The following ATRNL1 variants were observed in gnomAD, a reference collection of about 807,000 sequenced individuals.
ATRNL1 encodes the protein attractin-like protein 1.
Under a neutral mutation model 182.7 loss-of-function variants are expected in ATRNL1, and 95 were observed. The ratio of observed to expected loss-of-function variants is 0.52; its 90% CI spans 0.44 to 0.62. The LOEUF (loss-of-function observed/expected upper bound fraction) is 0.62. Among genes scored for constraint, ATRNL1 ranks in the 20% least tolerant of loss-of-function variants. The pLI is 0.00. For missense variants in ATRNL1, 1,471 were observed against 1,679.5 expected (o/e 0.88, Z 2.17); for synonymous variants, 576 against 568.3 (o/e 1.01, Z -0.19).
intron 1 of ATRNL1, among the ~76,000 whole-genome samples, chr10:115,116,243 A>G (rs782525223): frequency 4.6e-5 from 7 of 152,102 alleles, no homozygotes; most frequent in Non-Finnish European, 7.4e-5. Flanking sequence ...ATAAGTCAGT[A>G]TGGTTCTCAG....
intron 26 of ATRNL1, among the ~76,000 whole-genome samples, chr10:115,636,396 C>T (rs879982831): frequency 6.6e-6 from 1 of 152,114 alleles, no homozygotes; most frequent in East Asian, 1.9e-4. Context: ...CAGTATGTAC[C>T]AGTGGGAGCT....
chr10:115,938,014 G>T (rs560315579), intron 28 of ATRNL1, among the ~76,000 whole-genome samples: 1 of 152,230 alleles, frequency 6.6e-6, no homozygotes, highest in Admixed American at 6.5e-5. Context: ...ATATAATGGT[G>T]CCTGCTTTTA....
chr10:115,596,714 T>G (rs1476089079), intron 26 of ATRNL1, among the ~76,000 whole-genome samples: 9 of 152,190 alleles, frequency 5.9e-5, no homozygotes, highest in African/African-American at 1.9e-4. Flanking sequence ...TTTAACATGA[T>G]AGACTATGGG....
At chr10:115,247,712 A>G (rs980801503) in intron 10 of ATRNL1, among the ~76,000 whole-genome samples, 1 of 152,196 alleles carries the variant, frequency 6.6e-6, no homozygotes, top group Admixed American at 6.5e-5. Context: ...TTAAAGAGAC[A>G]CCTGCACCTC....
intron 28 of ATRNL1, among the ~76,000 whole-genome samples, chr10:115,916,108 C>T (rs1400008521): frequency 6.6e-6 from 1 of 152,076 alleles, no homozygotes; most frequent in African/African-American, 2.4e-5. Context: ...TCAGCTCCTT[C>T]TCACGAATTT....
chr10:115,860,255 G>A (rs1951283604), intron 28 of ATRNL1, among the ~76,000 whole-genome samples: 3 of 152,146 alleles, frequency 2.0e-5, no homozygotes, highest in South Asian at 2.1e-4. Flanking sequence ...GAACCTTGAA[G>A]CCCCTAAAAA....
intron 26 of ATRNL1, among the ~76,000 whole-genome samples, chr10:115,599,811 TA>T (rs1169852314): frequency 2.0e-5 from 3 of 152,176 alleles, no homozygotes; most frequent in African/African-American, 7.2e-5. Context: ...TGTGCTAACT[TA>T]AAAAATCAAT....
chr10:115,582,801 T>C (rs1424886361), intron 26 of ATRNL1, among the ~76,000 whole-genome samples: 1 of 150,946 alleles, frequency 6.6e-6, no homozygotes, highest in Non-Finnish European at 1.5e-5. Flanking sequence ...TTTGGTGTTT[T>C]AGACATGAAG....
chr10:115,829,143 A>G (rs1950505137), intron 27 of ATRNL1, among the ~76,000 whole-genome samples: 1 of 152,036 alleles, frequency 6.6e-6, no homozygotes, highest in Non-Finnish European at 1.5e-5. Flanking sequence ...TTATCATAAG[A>G]GTGATATGCC....
Position 115,369,297 on chromosome 10 carries a change from G to T in ATRNL1, c.3176-25362G>T, listed in dbSNP as rs535635146. ...GGGTAATTCTTTGAAGGGGATTGGG[G>T]TTCTGTGAGGGGGAAGGGGGTTCCA... On this transcript the variant is annotated intron_variant, in intron 19 of 28. Coordinates refer to ENST00000355044, the MANE Select transcript of ATRNL1 (RefSeq NM_207303.4). Among the ~76,000 whole-genome samples the T allele has an allele frequency of 2.3e-3, 295 of 130,736 alleles. 1 individual carries two copies. Among genetic ancestry groups the T allele is most frequent in the Middle Eastern group, 0.02 (5 of 246 alleles). 85.8% of individuals were successfully genotyped at this position (130,736 alleles called of 152,430 possible). A position where few individuals can be genotyped will look rare whatever the true frequency, so the allele number is the denominator to read the frequency against.
intron 19 of ATRNL1, among the ~76,000 whole-genome samples, chr10:115,364,741 T>G (rs1166589786): frequency 6.6e-6 from 1 of 151,954 alleles, no homozygotes; most frequent in Non-Finnish European, 1.5e-5. Context: ...GGTTGTTGAA[T>G]TTTGTCAAAG....
At chr10:115,251,105 G>A (rs1395537082) in intron 10 of ATRNL1, among the ~76,000 whole-genome samples, 1 of 152,068 alleles carries the variant, frequency 6.6e-6, no homozygotes, top group Admixed American at 6.5e-5. Flanking sequence ...CATCTTGCAC[G>A]ACACCTGCAA....
At chr10:115,520,376 C>T (rs187830224) in intron 25 of ATRNL1, among the ~76,000 whole-genome samples, 1 of 152,256 alleles carries the variant, frequency 6.6e-6, no homozygotes, top group African/African-American at 2.4e-5. Flanking sequence ...CCATTAAGGG[C>T]CAGATAGTAA....
chr10:115,137,157 A>C (rs1455017964), intron 5 of ATRNL1, among the ~76,000 whole-genome samples: 2 of 152,178 alleles, frequency 1.3e-5, no homozygotes, highest in Non-Finnish European at 2.9e-5. Flanking sequence ...GCACCATTGC[A>C]CTCCAGCCTG....
intron 27 of ATRNL1, among the ~76,000 whole-genome samples, chr10:115,784,449 G>A (rs957187070): frequency 6.6e-6 from 1 of 152,176 alleles, no homozygotes; most frequent in Non-Finnish European, 1.5e-5. Context: ...GTCCTAAACC[G>A]AGGGTTGACA....
At chr10:115,471,673 C>T (rs1371122076) in intron 24 of ATRNL1, among the ~76,000 whole-genome samples, 1 of 150,716 alleles carries the variant, frequency 6.6e-6, no homozygotes, top group Non-Finnish European at 1.5e-5. Flanking sequence ...AGGTCCTTTG[C>T]CCATTGTTTC....
chr10:115,652,250 A>G (rs1555034551), intron 26 of ATRNL1, among the ~76,000 whole-genome samples: 1 of 151,590 alleles, frequency 6.6e-6, no homozygotes, highest in Admixed American at 6.6e-5. Flanking sequence ...TTTTTCCATT[A>G]TACTGACACA....
At chr10:115,267,493 A>G (rs1173119242) in intron 12 of ATRNL1, among the ~76,000 whole-genome samples, 1 of 151,922 alleles carries the variant, frequency 6.6e-6, no homozygotes, top group African/African-American at 2.4e-5. Flanking sequence ...GACTTATGAA[A>G]AGTTACCAGT....
At chr10:115,590,371 T>C (rs1855831461) in intron 26 of ATRNL1, among the ~76,000 whole-genome samples, 1 of 152,200 alleles carries the variant, frequency 6.6e-6, no homozygotes, top group South Asian at 2.1e-4. Context: ...GCTTTCTTTC[T>C]GTGTATTAAC....
Sources: gnomAD v4.1 joint callset for allele counts (sites outside exome capture counted in the v4.1 genomes callset) on GRCh38, gnomAD v4.1.1 for gene constraint, MANE v1.5 for transcripts, NCBI Gene and HGNC (gene_info 2026-07-23, HGNC 2026-07-21) for gene names.